Variants in LRRC37A3 observed in about 807,000 individuals in gnomAD.
The protein encoded by LRRC37A3 is leucine rich repeat containing 37 member A3, also known as leucine-rich repeat-containing protein 37A3.
In LRRC37A3, 25 loss-of-function variants were observed where a neutral mutation model predicts 106.2. That is an observed-to-expected ratio of 0.24 (90% CI 0.17 to 0.33). The LOEUF (loss-of-function observed/expected upper bound fraction) is 0.33, where lower values mean the gene tolerates loss of function less well. Ranked by LOEUF, LRRC37A3 falls within the 10% of genes least tolerant of loss-of-function variation. The pLI, the probability that LRRC37A3 is intolerant of heterozygous loss-of-function variation, is 1.00. For missense variants in LRRC37A3, 712 were observed against 1,644.9 expected, an observed-to-expected ratio of 0.43 and a Z score of 9.81; for synonymous variants, 305 against 635.8, an observed-to-expected ratio of 0.48 and a Z score of 7.83.
At chr17:64,914,253 T>G (rs1222650944) in intron 2 of LRRC37A3, among the ~76,000 whole-genome samples, 6 of 151,948 alleles carry the variant, frequency 3.9e-5, no homozygotes, top group Non-Finnish European at 5.9e-5. Flanking sequence ...AATTCTAAGA[T>G]ATGTTTTTAA....
At chr17:64,877,636 C>A (rs1973558462) in intron 8 of LRRC37A3, among the ~76,000 whole-genome samples, 1 of 152,228 alleles carries the variant, frequency 6.6e-6, no homozygotes, top group South Asian at 2.1e-4. Context: ...TCCCAGCTGG[C>A]TTCTTTCCAG....
chr17:64,916,932 T>A lies in LRRC37A3; in HGVS notation c.-496+1818A>T, dbSNP rs1216604896. 2.0e-5 allele frequency among the ~76,000 whole-genome samples: 3 copies of A among 149,752 alleles called. No homozygotes were observed. In the East Asian group the frequency reaches 5.9e-4, roughly 29 times the overall value. Reference sequence around the variant, plus strand: ...AGAAGAAGCTACCACCATATACTTATTAAGGTGGCCAAAAAAAAAAAAAAA... The same window carrying A: ...AGAAGAAGCTACCACCATATACTTAATAAGGTGGCCAAAAAAAAAAAAAAA... On this transcript the variant is annotated intron_variant, in intron 2 of 14. Coordinates refer to ENST00000584306, the MANE Select transcript of LRRC37A3 (RefSeq NM_199340.5).
In LRRC37A3 at chr17:64,860,827, G is replaced by A. The variant is rs1320983314; in HGVS notation, c.3319C>T (p.Gln1107Ter). ...GINLSGFGSE[Q>*]LDTNDESDVT... ...TCACTCTCGTCATTGGTGTCTAGCT[G>A]CTCACTCCCAAAGCCTGACAAGTTG... The change falls in exon 12 of 15, where the codon CAG becomes TAG. Residue 1107 changes from glutamine to a stop codon, truncating the protein, a stop_gained. Transcript: ENST00000584306. LOFTEE classifies it high-confidence loss of function. 2.5e-6 allele frequency: 4 copies of A among 1,614,198 alleles called. No individual in the cohort carries two copies. Among genetic ancestry groups the A allele is most frequent in the African/African-American group, 2.7e-5 (2 of 75,038 alleles).
chr17:64,899,588 C>A (rs1263656554), intron 2 of LRRC37A3, among the ~76,000 whole-genome samples: 2 of 145,738 alleles, frequency 1.4e-5, no homozygotes, highest in African/African-American at 5.5e-5. Context: ...AAATATTCCA[C>A]CCAAGATACG....
rs745879227 is a variant in LRRC37A3, at chr17:64,860,471, C to T, written c.3675G>A (p.Lys1225=). The T allele has an allele frequency of 6.2e-7, 1 of 1,613,558 alleles. No individual in the cohort carries two copies. Among genetic ancestry groups the T allele is most frequent in the South Asian group, 1.1e-5 (1 of 91,046 alleles). The change falls in exon 12 of 15, where the codon AAG becomes AAA. Residue 1225 remains lysine, a synonymous_variant. Transcript: ENST00000584306. Reference sequence around the variant, plus strand: ...TGGTGTAGACGGCGTTTCCCGCTAACTTCTCAGGCCCCTGCTGTGTGTGAG... The same window carrying T: ...TGGTGTAGACGGCGTTTCCCGCTAATTTCTCAGGCCCCTGCTGTGTGTGAG... ...KQPHTQQGPE[K]LAGNAVYTKP... is the part of the protein sequence containing the mutation.
chr17:64,899,182 C>T (rs1262080719), intron 2 of LRRC37A3: 2 of 135,302 alleles, frequency 1.5e-5, no homozygotes, highest in African/African-American at 6.6e-5. Flanking sequence ...CACTTTGGGA[C>T]GCCAAGGTGG....
At chr17:64,877,106 G>A (rs1973538672) in intron 8 of LRRC37A3, 1 of 152,060 alleles carries the variant, frequency 6.6e-6, no homozygotes, top group Non-Finnish European at 1.5e-5. Context: ...TCATTTATTG[G>A]CCGGGCACAG....
rs768399199 is a variant in LRRC37A3, at chr17:64,860,803, C to A, written c.3343G>T (p.Asp1115Tyr). Residue 1115 changes from aspartate to tyrosine, a missense_variant, in exon 12 of 15, where the codon GAT becomes TAT. By Grantham distance (160) the Asp-to-Tyr change is radical. Coordinates refer to ENST00000584306, the MANE Select transcript of LRRC37A3 (RefSeq NM_199340.5). ...SEQLDTNDES[D>Y]VTSTLSYILP... is the part of the protein sequence containing the mutation. Reference sequence around the variant, plus strand: ...ATGTAACTTAGTGTACTGGTAACATCACTCTCGTCATTGGTGTCTAGCTGC... The same window carrying A: ...ATGTAACTTAGTGTACTGGTAACATAACTCTCGTCATTGGTGTCTAGCTGC... 3 of 1,614,204 alleles carry A rather than the reference C, an allele frequency of 1.9e-6. No individual in the cohort carries two copies. The highest frequency in any genetic ancestry group is 4.5e-5 in the East Asian group (2 of 44,886).
chr17:64,877,931 G>A (rs1973570199), intron 8 of LRRC37A3, among the ~76,000 whole-genome samples: 1 of 151,824 alleles, frequency 6.6e-6, no homozygotes, highest in Non-Finnish European at 1.5e-5. Flanking sequence ...TTAAAATGGT[G>A]CTGGAACAAC....
intron 2 of LRRC37A3, among the ~76,000 whole-genome samples, chr17:64,917,225 A>G (rs189115693): frequency 1.9e-3 from 263 of 138,670 alleles, no homozygotes; most frequent in Middle Eastern, 7.9e-3. Flanking sequence ...CAGCCTGGGT[A>G]ACAGAGCCAG....
At chr17:64,877,030 T>G (rs1279137092) in intron 8 of LRRC37A3, 1 of 152,246 alleles carries the variant, frequency 6.6e-6, no homozygotes, top group African/African-American at 2.4e-5. Context: ...CCGATAATAA[T>G]AGCACGATTC....
chr17:64,877,096 T>A (rs1439701683), intron 8 of LRRC37A3: 1 of 152,302 alleles, frequency 6.6e-6, no homozygotes, highest in African/African-American at 2.4e-5. Context: ...GAAAAAGTTT[T>A]CATTTATTGG....
chr17:64,880,468 C>A (rs1462824188), intron 8 of LRRC37A3, among the ~76,000 whole-genome samples: 1 of 152,158 alleles, frequency 6.6e-6, no homozygotes, highest in Non-Finnish European at 1.5e-5. Flanking sequence ...TTTAGATTCA[C>A]AGTAGATGAT....
chr17:64,862,071 C>T (rs1972894423), intron 11 of LRRC37A3, among the ~76,000 whole-genome samples: 1 of 151,596 alleles, frequency 6.6e-6, no homozygotes, highest in South Asian at 2.1e-4. Flanking sequence ...GCTTTTCTGC[C>T]CGCTTCTTGG....
At chr17:64,881,206 G>C in intron 8 of LRRC37A3, 1 of 700,824 alleles carries the variant, frequency 1.4e-6, no homozygotes. Context: ...GCAAAATCTA[G>C]AGAATCTGAA....
intron 2 of LRRC37A3, among the ~76,000 whole-genome samples, chr17:64,910,853 G>C (rs1036845371): frequency 1.4e-4 from 21 of 149,106 alleles, no homozygotes; most frequent in African/African-American, 4.5e-4. Context: ...TGTTGGCCAG[G>C]CTGGTCTCAA....
chr17:64,854,419 G>A lies in LRRC37A3; in HGVS notation c.*180C>T. 1.1e-6 allele frequency: 1 copy of A among 895,826 alleles called. No homozygotes were observed. The highest frequency in any genetic ancestry group is 1.7e-6 in the Non-Finnish European group (1 of 580,910). The allele number at this position is 895,826 out of a possible 1,614,324, so 55.5% of individuals were successfully genotyped here. A position where few individuals can be genotyped will look rare whatever the true frequency, so the allele number is the denominator to read the frequency against. Reference sequence around the variant, plus strand: ...TAAAATCTCCACCCCCTGAGCATATGTTTTCAGGTCTGGGTGACTAATTAG... The same window carrying A: ...TAAAATCTCCACCCCCTGAGCATATATTTTCAGGTCTGGGTGACTAATTAG... On this transcript the variant is annotated 3_prime_UTR_variant, in exon 15 of 15. Coordinates refer to ENST00000584306, the MANE Select transcript of LRRC37A3 (RefSeq NM_199340.5).
intron 2 of LRRC37A3, among the ~76,000 whole-genome samples, chr17:64,916,233 G>A (rs1490757904): frequency 4.6e-5 from 7 of 151,740 alleles, no homozygotes; most frequent in African/African-American, 7.3e-5. Context: ...GTGAAACCCC[G>A]TCTCTACTAA....
intron 2 of LRRC37A3, among the ~76,000 whole-genome samples, chr17:64,917,375 G>C (rs552326833): frequency 6.6e-6 from 1 of 151,320 alleles, no homozygotes; most frequent in Non-Finnish European, 1.5e-5. Context: ...AACAGTTTTG[G>C]CAGTTTCTTA....
Sources: allele counts gnomAD v4.1 joint callset (sites outside exome capture counted in the v4.1 genomes callset), GRCh38; gene constraint gnomAD v4.1.1; transcripts MANE v1.5; gene names NCBI Gene and HGNC (gene_info 2026-07-23, HGNC 2026-07-21).